The following TNRC6B variants were observed in gnomAD, a reference collection of about 807,000 sequenced individuals.
TNRC6B encodes trinucleotide repeat containing adaptor 6B.
A neutral mutation model predicts 203.6 loss-of-function variants in TNRC6B; 52 were observed. The observed-to-expected ratio is 0.26, with a 90% CI of 0.20 to 0.32. The LOEUF is 0.32. Ranked by LOEUF, TNRC6B falls within the 10% of genes least tolerant of loss-of-function variation. The pLI, the probability that TNRC6B is intolerant of heterozygous loss-of-function variation, is 1.00. For missense variants in TNRC6B, 1,923 were observed against 2,286.2 expected, an observed-to-expected ratio of 0.84 and a Z score of 3.24; for synonymous variants, 838 against 845.7, an observed-to-expected ratio of 0.99 and a Z score of 0.16.
intron 1 of TNRC6B, among the ~76,000 whole-genome samples, chr22:40,113,652 T>G (rs2068361987): frequency 6.6e-6 from 1 of 152,226 alleles, no homozygotes; most frequent in Non-Finnish European, 1.5e-5. Flanking sequence ...CCACCACACG[T>G]GGCCTCCTTA....
At chr22:40,239,060 G>T (rs916245400) in intron 1 of TNRC6B, among the ~76,000 whole-genome samples, 2 of 152,202 alleles carry the variant, frequency 1.3e-5, no homozygotes, top group African/African-American at 2.4e-5. Context: ...AAAGTTAGCT[G>T]GGCGTGGTGG....
At chr22:40,309,666 A>T (rs772252669) in intron 16 of TNRC6B, among the ~76,000 whole-genome samples, 31 of 152,212 alleles carry the variant, frequency 2.0e-4, no homozygotes, top group Admixed American at 3.3e-4. Context: ...CAAAGACATG[A>T]TAGGTGCATG....
At chr22:40,133,631 G>C (rs2068571923) in intron 3 of TNRC6B, among the ~76,000 whole-genome samples, 1 of 152,142 alleles carries the variant, frequency 6.6e-6, no homozygotes, top group Admixed American at 6.5e-5. Context: ...GAATGGGTGA[G>C]GGGGAGAAGG....
At chr22:40,079,645 G>A (rs1009884511) in intron 1 of TNRC6B, among the ~76,000 whole-genome samples, 3 of 151,658 alleles carry the variant, frequency 2.0e-5, no homozygotes, top group Non-Finnish European at 2.9e-5. Flanking sequence ...TTGAGACAGG[G>A]TCTTGCTCTG....
At position 40,218,186 on chromosome 22, in the gene TNRC6B, G is replaced by T. The variant is rs141794128; in HGVS notation, c.6-27829G>T. 7.3e-3 allele frequency among the ~76,000 whole-genome samples: 1,116 copies of T among 151,892 alleles called. 46 individuals carry two copies. Among genetic ancestry groups the T allele is most frequent in the Admixed American group, 0.059 (896 of 15,242 alleles). The stretch of plus-strand genomic sequence containing the variant: ...GACCCAATTTGATAATATTAGGAAT[G>T]ATTTTTAAAATTTTTTTATATAATA... On this transcript the variant is annotated intron_variant, in intron 1 of 22. Coordinates refer to ENST00000454349, the MANE Select transcript of TNRC6B (RefSeq NM_001162501.2).
intron 1 of TNRC6B, among the ~76,000 whole-genome samples, chr22:40,070,661 GA>G (rs1459513566): frequency 9.9e-5 from 15 of 151,730 alleles, no homozygotes; most frequent in South Asian, 4.1e-4. Context: ...GGTATTTTAA[GA>G]AAAAAATGGT....
chr22:40,315,470 CAG>C lies in TNRC6B; in HGVS notation c.4867_4868del (p.Arg1623GlyfsTer17). On this transcript the variant is annotated frameshift_variant, in exon 20 of 23. Coordinates refer to ENST00000454349, the MANE Select transcript of TNRC6B (RefSeq NM_001162501.2). LOFTEE classifies it high-confidence loss of function. ...GGAGCAGCACAGCACCCCGATCAGT[CAG>C]GGGGTGGGGGACACAGGACTCACGG... The part of the protein sequence containing the change: ...PWSSTAPRSV[R>X]GWGTQDSRLA... 6.2e-7 allele frequency: 1 copy of C among 1,613,994 alleles called. No individual in the cohort carries two copies. Among genetic ancestry groups the C allele is most frequent in the Admixed American group, 1.7e-5 (1 of 60,020 alleles).
chr22:40,149,679 C>CAA (rs58482182), intron 3 of TNRC6B, among the ~76,000 whole-genome samples: 184 of 84,284 alleles, frequency 2.2e-3, no homozygotes, highest in East Asian at 6.7e-3. Flanking sequence ...CCTCCCCCGC[C>CAA]AAAAAAAAAA....
intron 1 of TNRC6B, among the ~76,000 whole-genome samples, chr22:40,066,387 G>C (rs998572070): frequency 6.6e-6 from 1 of 152,114 alleles, no homozygotes; most frequent in Admixed American, 6.5e-5. Context: ...AAAATATCAG[G>C]AATTCTTTAG....
At chr22:40,279,960 C>T (rs2070702181) in intron 9 of TNRC6B, 35 bp from the exon 10 acceptor site, 17 of 1,609,658 alleles carry the variant, frequency 1.1e-5, no homozygotes, top group Non-Finnish European at 1.4e-5. Flanking sequence ...AACATTGATT[C>T]TGGAAATTTT....
intron 1 of TNRC6B, among the ~76,000 whole-genome samples, chr22:40,073,669 G>A (rs1437233971): frequency 6.6e-6 from 1 of 152,068 alleles, no homozygotes; most frequent in Non-Finnish European, 1.5e-5. Flanking sequence ...ATTCCAGCAC[G>A]TTGGGAGGCT....
intron 1 of TNRC6B, among the ~76,000 whole-genome samples, chr22:40,207,885 G>C (rs1327000163): frequency 1.3e-5 from 2 of 152,026 alleles, no homozygotes; most frequent in Non-Finnish European, 2.9e-5. Context: ...GGCTGAGGTG[G>C]GCAGATCACG....
intron 1 of TNRC6B, among the ~76,000 whole-genome samples, chr22:40,108,532 A>C (rs2068306198): frequency 6.6e-6 from 1 of 152,340 alleles, no homozygotes; most frequent in South Asian, 2.1e-4. Context: ...CCCTTTCAGA[A>C]GGTCACAACT....
At chr22:40,182,814 A>G (rs2069151332) in intron 1 of TNRC6B, among the ~76,000 whole-genome samples, 2 of 152,198 alleles carry the variant, frequency 1.3e-5, no homozygotes, top group Admixed American at 6.5e-5. Flanking sequence ...CTTGATAGTC[A>G]CTTTATTAAA....
At chr22:40,134,963 T>C (rs761257177) in intron 3 of TNRC6B, among the ~76,000 whole-genome samples, 2 of 152,220 alleles carry the variant, frequency 1.3e-5, no homozygotes, top group South Asian at 2.1e-4. Context: ...TCCAAAGTGG[T>C]ATTGGCTGGA....
At chr22:40,087,220 A>AAAT (rs1301725808) in intron 1 of TNRC6B, among the ~76,000 whole-genome samples, 2 of 152,258 alleles carry the variant, frequency 1.3e-5, no homozygotes, top group Non-Finnish European at 2.9e-5. Context: ...TATTTAAATT[A>AAAT]TGAATCAAGT....
At chr22:40,147,509 A>G (rs2068706065) in intron 3 of TNRC6B, among the ~76,000 whole-genome samples, 1 of 152,170 alleles carries the variant, frequency 6.6e-6, no homozygotes, top group South Asian at 2.1e-4. Flanking sequence ...GCACCAGTAG[A>G]TCTGTTGTCA....
intron 15 of TNRC6B, among the ~76,000 whole-genome samples, chr22:40,304,897 T>C (rs6001871): frequency 2.0e-5 from 3 of 152,246 alleles, no homozygotes; most frequent in Admixed American, 2.0e-4. Flanking sequence ...AGTGTACATG[T>C]GGACACGGAC....
intron 3 of TNRC6B, among the ~76,000 whole-genome samples, chr22:40,131,405 A>ATTTT (rs34219543): frequency 6.8e-5 from 10 of 146,852 alleles, no homozygotes; most frequent in African/African-American, 2.2e-4. Flanking sequence ...GAGTTTAGGG[A>ATTTT]TTTTTTTTTT....
Sources: gnomAD v4.1 joint callset for allele counts (sites outside exome capture counted in the v4.1 genomes callset) on GRCh38, gnomAD v4.1.1 for gene constraint, MANE v1.5 for transcripts, NCBI Gene and HGNC (gene_info 2026-07-23, HGNC 2026-07-21) for gene names.